Variants in ADCY2 observed in about 807,000 individuals in gnomAD.
The protein encoded by ADCY2 is adenylate cyclase type 2.
In ADCY2, 31 loss-of-function variants were observed where a neutral mutation model predicts 125.2. The ratio of observed to expected loss-of-function variants is 0.25; its 90% CI spans 0.19 to 0.33. The LOEUF is 0.33. Among genes scored for constraint, ADCY2 ranks in the 10% least tolerant of loss-of-function variants. The pLI is 1.00. For missense variants in ADCY2, 904 were observed against 1,418.2 expected, an observed-to-expected ratio of 0.64 and a Z score of 5.82; for synonymous variants, 512 against 548.4, an observed-to-expected ratio of 0.93 and a Z score of 0.93.
chr5:7,697,997 A>C (rs546726269), intron 6 of ADCY2, among the ~76,000 whole-genome samples: 1 of 152,296 alleles, frequency 6.6e-6, no homozygotes, highest in East Asian at 1.9e-4. Context: ...AGTGTAAATC[A>C]TTCCAGAACA....
chr5:7,608,201 C>T lies in ADCY2; in HGVS notation c.571-17966C>T, dbSNP rs868550133. On this transcript the variant is annotated intron_variant, in intron 3 of 24. Transcript: ENST00000338316. ...TAGACCAGACAGTTTATGAAACTAC[C>T]TCTTAAATTGTCTCTATAGTAAGAA... Among the ~76,000 whole-genome samples the T allele has an allele frequency of 2.0e-5, 3 of 152,196 alleles. No homozygotes were observed. In the South Asian group the frequency reaches 6.2e-4, roughly 31 times the overall value.
At chr5:7,766,205 G>A (rs1743372394) in intron 16 of ADCY2, among the ~76,000 whole-genome samples, 1 of 152,126 alleles carries the variant, frequency 6.6e-6, no homozygotes, top group African/African-American at 2.4e-5. Flanking sequence ...CGAGGCTGGT[G>A]ATTGCATTTT....
At chr5:7,555,960 G>T (rs1735495760) in intron 3 of ADCY2, among the ~76,000 whole-genome samples, 1 of 151,620 alleles carries the variant, frequency 6.6e-6, no homozygotes, top group Non-Finnish European at 1.5e-5. Context: ...TCATGTGATA[G>T]ACCTGTACTG....
At chr5:7,554,381 A>G (rs1358820889) in intron 3 of ADCY2, among the ~76,000 whole-genome samples, 1 of 152,240 alleles carries the variant, frequency 6.6e-6, no homozygotes, top group Non-Finnish European at 1.5e-5. Context: ...CATTTTAACC[A>G]TAATGGGGAC....
intron 14 of ADCY2, among the ~76,000 whole-genome samples, chr5:7,735,653 C>A (rs1477379313): frequency 6.6e-6 from 1 of 152,152 alleles, no homozygotes; most frequent in Non-Finnish European, 1.5e-5. Context: ...ATTAAAGCAA[C>A]CTTACATTTC....
Position 7,695,695 on chromosome 5 carries a change from T to C in ADCY2, c.870-57T>C, listed in dbSNP as rs1024554522. The C allele has an allele frequency of 1.6e-5, 17 of 1,065,526 alleles. No homozygotes were observed. In the Admixed American group the frequency reaches 2.2e-4, roughly 14 times the overall value. The allele number at this position is 1,065,526 out of a possible 1,614,324, so 66.0% of individuals were successfully genotyped here. Reference sequence around the variant, plus strand: ...TTTAATGGAAAAATTATTATTACTTTCTTAAAAAATGTATAAACTGGAAAA... The same window carrying C: ...TTTAATGGAAAAATTATTATTACTTCCTTAAAAAATGTATAAACTGGAAAA... On this transcript the variant is annotated intron_variant, in intron 5 of 24. Coordinates refer to ENST00000338316, the MANE Select transcript of ADCY2 (RefSeq NM_020546.3).
At chr5:7,786,169 A>G (rs989413150) in intron 19 of ADCY2, among the ~76,000 whole-genome samples, 1 of 152,180 alleles carries the variant, frequency 6.6e-6, no homozygotes, top group Non-Finnish European at 1.5e-5. Flanking sequence ...CACCGAATCT[A>G]TATAAGACAC....
chr5:7,727,772 C>T (rs756861393), intron 14 of ADCY2, among the ~76,000 whole-genome samples: 6 of 151,980 alleles, frequency 3.9e-5, no homozygotes, highest in Admixed American at 2.0e-4. Context: ...AAGGTTCAGC[C>T]GACCTCTCCC....
Position 7,698,278 on chromosome 5 carries a change from G to A in ADCY2, c.1013G>A (p.Gly338Glu), listed in dbSNP as rs1347620195. 6.2e-7 allele frequency: 1 copy of A among 1,613,956 alleles called. No individual in the cohort carries two copies. The highest frequency in any genetic ancestry group is 1.1e-5 in the South Asian group (1 of 91,066). The change falls in exon 7 of 25, where the codon GGA (glycine) becomes GAA (glutamate). Residue 338 changes from glycine (G) to glutamate (E), a missense_variant. By Grantham distance (98) the Gly-to-Glu change is moderately conservative. This residue lies in a region of ADCY2 where 117 missense variants were observed against 248.0 expected (regional missense o/e 0.47). Transcript: ENST00000338316. ...GAATGCATGAGAATTAAAATTTTAG[G>A]AGACTGCTACTACTGTGTATCTGGA... Reference protein sequence around the residue: ...ENECMRIKILGDCYYCVSGLP... With the variant: ...ENECMRIKILEDCYYCVSGLP...
chr5:7,503,429 A>T (rs1192598090), intron 2 of ADCY2, among the ~76,000 whole-genome samples: 1 of 152,150 alleles, frequency 6.6e-6, no homozygotes, highest in African/African-American at 2.4e-5. Flanking sequence ...ACTCTTTCAG[A>T]TGATTATTAA....
intron 18 of ADCY2, among the ~76,000 whole-genome samples, chr5:7,776,586 A>G (rs1743736073): frequency 6.6e-6 from 1 of 152,088 alleles, no homozygotes; most frequent in African/African-American, 2.4e-5. Flanking sequence ...GATTGGATTG[A>G]AGGATGTCTA....
chr5:7,733,435 C>T (rs1579370016), intron 14 of ADCY2, among the ~76,000 whole-genome samples: 1 of 152,082 alleles, frequency 6.6e-6, no homozygotes, highest in East Asian at 1.9e-4. Flanking sequence ...TTATTTTGTC[C>T]TGAACAACTG....
At chr5:7,753,864 C>T (rs192263774) in intron 15 of ADCY2, among the ~76,000 whole-genome samples, 1 of 152,308 alleles carries the variant, frequency 6.6e-6, no homozygotes, top group East Asian at 1.9e-4. Flanking sequence ...GCAGCAATGC[C>T]TACCAATTTT....
chr5:7,485,784 A>G (rs1282824822), intron 2 of ADCY2, among the ~76,000 whole-genome samples: 1 of 152,206 alleles, frequency 6.6e-6, no homozygotes, highest in Non-Finnish European at 1.5e-5. Flanking sequence ...TTAACATTCT[A>G]GTTGTGATAC....
chr5:7,613,693 G>A (rs1381621088), intron 3 of ADCY2, among the ~76,000 whole-genome samples: 3 of 152,184 alleles, frequency 2.0e-5, no homozygotes, highest in African/African-American at 7.2e-5. Flanking sequence ...CTTCCCCAGA[G>A]GTTAGGTTTA....
chr5:7,829,973 G>A lies in ADCY2; in HGVS notation c.*3102G>A, dbSNP rs1003142624. ...CACGTGCCTGTAGTCCCAGCTACAT[G>A]GGAGGCTGAGGTGGGAGGATCACTT... On this transcript the variant is annotated 3_prime_UTR_variant, in exon 25 of 25. Transcript: ENST00000338316. The A allele has an allele frequency of 6.6e-5, 10 of 152,140 alleles. No homozygotes were observed. The highest frequency in any genetic ancestry group is 4.6e-4 in the Admixed American group (7 of 15,262). The allele number at this position is 152,140 out of a possible 1,614,324, so 9.4% of individuals were successfully genotyped here.
chr5:7,561,169 T>A (rs1735696027), intron 3 of ADCY2, among the ~76,000 whole-genome samples: 1 of 152,248 alleles, frequency 6.6e-6, no homozygotes, highest in Non-Finnish European at 1.5e-5. Context: ...ATTTTCATTT[T>A]TTATGTTTCT....
intron 16 of ADCY2, among the ~76,000 whole-genome samples, chr5:7,758,206 G>C (rs555013419): frequency 6.6e-6 from 1 of 152,190 alleles, no homozygotes; most frequent in Admixed American, 6.5e-5. Flanking sequence ...GATTCAATGA[G>C]CCAGTGTTCC....
intron 4 of ADCY2, among the ~76,000 whole-genome samples, chr5:7,685,520 T>A (rs1347489326): frequency 6.6e-6 from 1 of 152,236 alleles, no homozygotes; most frequent in Non-Finnish European, 1.5e-5. Flanking sequence ...ATGACCAATT[T>A]TTTTTGTAAA....
Sources: gnomAD v4.1 joint callset for allele counts (sites outside exome capture counted in the v4.1 genomes callset) on GRCh38, gnomAD v4.1.1 for gene constraint, gnomAD v4.1.1 regional missense constraint, MANE v1.5 for transcripts, NCBI Gene and HGNC (gene_info 2026-07-23, HGNC 2026-07-21) for gene names.